The following ABCC1 variants were observed in gnomAD, a reference collection of about 807,000 sequenced individuals.
ABCC1 encodes the protein multidrug resistance-associated protein 1.
A neutral mutation model predicts 172.9 loss-of-function variants in ABCC1; 83 were observed. That is an observed-to-expected ratio of 0.48 (90% CI 0.40 to 0.58). ABCC1 has a LOEUF of 0.58. Among genes scored for constraint, ABCC1 ranks in the 20% least tolerant of loss-of-function variants. The pLI is 0.00. For synonymous variants in ABCC1, 937 were observed against 825.2 expected (o/e 1.14, Z -2.32); for missense variants, 1,817 against 2,002.7 (o/e 0.91, Z 1.77).
intron 1 of ABCC1, among the ~76,000 whole-genome samples, chr16:15,993,501 C>G (rs1263552749): frequency 5.3e-5 from 8 of 152,114 alleles, no homozygotes; most frequent in Non-Finnish European, 8.8e-5. Context: ...TGTCTAGAGA[C>G]AGTTTTGATT....
intron 5 of ABCC1, among the ~76,000 whole-genome samples, chr16:16,021,453 A>G (rs1296590402): frequency 6.6e-6 from 1 of 152,112 alleles, no homozygotes; most frequent in East Asian, 1.9e-4. Context: ...GTGGTGGCTT[A>G]CACCTATAAA....
intron 1 of ABCC1, among the ~76,000 whole-genome samples, chr16:15,957,928 A>G (rs1169830588): frequency 1.3e-5 from 2 of 152,100 alleles, no homozygotes; most frequent in South Asian, 2.1e-4. Context: ...TCACAGAAAC[A>G]TCTGGATTTC....
intron 1 of ABCC1, among the ~76,000 whole-genome samples, chr16:16,004,203 C>T (rs1299973425): frequency 6.6e-6 from 1 of 151,100 alleles, no homozygotes; most frequent in East Asian, 1.9e-4. Context: ...CAAGGAGAGG[C>T]TGGAGGCAGT....
At chr16:15,970,662 C>G (rs139546997) in intron 1 of ABCC1, among the ~76,000 whole-genome samples, 1 of 152,280 alleles carries the variant, frequency 6.6e-6, no homozygotes, top group African/African-American at 2.4e-5. Context: ...GGACTTGGAT[C>G]CTGTGGGAAG....
chr16:16,087,044 A>G (rs2051037264), intron 18 of ABCC1, 53 bp downstream of exon 18: 1 of 1,600,106 alleles, frequency 6.2e-7, no homozygotes, highest in African/African-American at 1.3e-5. Flanking sequence ...CCTTTGGTTA[A>G]GTCAGAACGT....
chr16:16,101,103 C>G (rs1407610838), intron 19 of ABCC1, among the ~76,000 whole-genome samples: 1 of 151,842 alleles, frequency 6.6e-6, no homozygotes, highest in African/African-American at 2.4e-5. Flanking sequence ...ATGATTTCAG[C>G]TCACTGCAAC....
At chr16:16,115,279 C>A (rs1177431964) in intron 23 of ABCC1, among the ~76,000 whole-genome samples, 2 of 152,112 alleles carry the variant, frequency 1.3e-5, no homozygotes, top group African/African-American at 4.8e-5. Flanking sequence ...GCAGTTTTTT[C>A]CTAAGTTTTA....
chr16:16,026,421 T>G (rs1222905035), intron 5 of ABCC1, among the ~76,000 whole-genome samples: 1 of 101,414 alleles, frequency 9.9e-6, no homozygotes, highest in Non-Finnish European at 1.8e-5. Context: ...GCGATGAGAG[T>G]GAAACCGTCT....
chr16:15,973,675 A>G (rs2046419824), intron 1 of ABCC1, among the ~76,000 whole-genome samples: 1 of 152,136 alleles, frequency 6.6e-6, no homozygotes, highest in South Asian at 2.1e-4. Context: ...CGTGTGATGC[A>G]GTTTAAAATG....
chr16:16,035,259 G>A (rs1158774556), intron 6 of ABCC1, among the ~76,000 whole-genome samples: 5 of 151,840 alleles, frequency 3.3e-5, no homozygotes, highest in Admixed American at 6.6e-5. Context: ...AAAATTAGCC[G>A]GGCAGCACAC....
At chr16:16,136,330 T>C in intron 28 of ABCC1, 148 bp from the exon 29 acceptor site, 1 of 914,670 alleles carries the variant, frequency 1.1e-6, no homozygotes, top group Non-Finnish European at 1.6e-6. Context: ...GGCCTTTTTC[T>C]CCATTATTAA....
intron 24 of ABCC1, among the ~76,000 whole-genome samples, chr16:16,123,712 G>A (rs929253471): frequency 6.6e-6 from 1 of 152,082 alleles, no homozygotes; most frequent in African/African-American, 2.4e-5. Flanking sequence ...ACTAAACCTA[G>A]CTTTAAACAA....
intron 1 of ABCC1, among the ~76,000 whole-genome samples, chr16:15,981,164 G>T (rs957309431): frequency 4.6e-5 from 7 of 152,252 alleles, no homozygotes; most frequent in Admixed American, 4.6e-4. Flanking sequence ...CCATCAAGGG[G>T]CTTTCACGGG....
intron 20 of ABCC1, chr16:16,106,450 C>A: frequency 1.8e-5 from 4 of 221,866 alleles, no homozygotes; most frequent in East Asian, 8.6e-5. Context: ...TTTTTATATA[C>A]CAGTTGTCAT....
intron 7 of ABCC1, among the ~76,000 whole-genome samples, chr16:16,043,552 G>A (rs1283602009): frequency 6.6e-6 from 1 of 151,882 alleles, no homozygotes; most frequent in African/African-American, 2.4e-5. Context: ...TGCCCACCTC[G>A]GCCTCCCATA....
chr16:16,007,214 T>TTGTG (rs71388788), intron 1 of ABCC1, among the ~76,000 whole-genome samples: 41,940 of 145,636 alleles, frequency 0.29, 6,931 homozygotes, highest in Non-Finnish European at 0.38. Flanking sequence ...GTATGCACTG[T>TTGTG]TGTGTGTGTG....
rs536500517 is a variant in ABCC1 at position 16,006,689 on chromosome 16, G to A, written c.49-1127G>A. ...AATTCAGCTCCAGAGCTTACCAGCT[G>A]TGTGATACTGGACACAGTATTTAAC... On this transcript the variant is annotated intron_variant, in intron 1 of 30. Coordinates refer to ENST00000399410, the MANE Select transcript of ABCC1 (RefSeq NM_004996.4). Among the ~76,000 whole-genome samples the A allele has an allele frequency of 3.9e-5, 6 of 152,232 alleles. No individual in the cohort carries two copies. In the East Asian group the frequency reaches 1.2e-3, roughly 29 times the overall value.
chr16:15,980,847 T>A (rs1402957073), intron 1 of ABCC1, among the ~76,000 whole-genome samples: 2 of 152,258 alleles, frequency 1.3e-5, no homozygotes, highest in African/African-American at 4.8e-5. Context: ...CAAAGTCTCA[T>A]CTGAGACAAG....
chr16:15,986,613 A>T (rs535426278), intron 1 of ABCC1, among the ~76,000 whole-genome samples: 2 of 152,350 alleles, frequency 1.3e-5, no homozygotes, highest in Admixed American at 1.3e-4. Context: ...ATCCCTGGCA[A>T]AACTGTCTTC....
Sources: allele counts gnomAD v4.1 joint callset (sites outside exome capture counted in the v4.1 genomes callset), GRCh38; gene constraint gnomAD v4.1.1; transcripts MANE v1.5; gene names NCBI Gene and HGNC (gene_info 2026-07-23, HGNC 2026-07-21).